Variants in DGKD observed in about 807,000 individuals in gnomAD.
DGKD encodes the protein diacylglycerol kinase delta, also known as DAG kinase delta.
In DGKD, 68 loss-of-function variants were observed where a neutral mutation model predicts 154.4. The observed-to-expected ratio is 0.44, with a 90% confidence interval of 0.36 to 0.54. The LOEUF (loss-of-function observed/expected upper bound fraction) is 0.54, where lower values mean the gene tolerates loss of function less well. Ranked by LOEUF, DGKD falls within the 20% of genes least tolerant of loss-of-function variation. The pLI is 0.00. For synonymous variants in DGKD, 693 were observed against 638.0 expected, an observed-to-expected ratio of 1.09 and a Z score of -1.30; for missense variants, 1,343 against 1,593.6, an observed-to-expected ratio of 0.84 and a Z score of 2.68.
At chr2:233,372,975 C>G (rs1702395401) in intron 1 of DGKD, among the ~76,000 whole-genome samples, 1 of 152,168 alleles carries the variant, frequency 6.6e-6, no homozygotes, top group Non-Finnish European at 1.5e-5. Flanking sequence ...AGGACAAACC[C>G]CACCAGAACA....
chr2:233,385,107 C>T (rs897517840), intron 1 of DGKD, among the ~76,000 whole-genome samples: 1 of 152,192 alleles, frequency 6.6e-6, no homozygotes, highest in Admixed American at 6.5e-5. Context: ...CTGCTAGTGC[C>T]TTTCAGACAG....
chr2:233,383,688 G>T (rs1365129739), intron 1 of DGKD, among the ~76,000 whole-genome samples: 1 of 152,146 alleles, frequency 6.6e-6, no homozygotes, highest in Non-Finnish European at 1.5e-5. Context: ...CAGCCCCTTT[G>T]CTGAAGTCCC....
In DGKD at chr2:233,434,817, G is replaced by A. The variant is rs201646438; in HGVS notation, c.502G>A (p.Ala168Thr). 1.4e-5 allele frequency: 23 copies of A among 1,614,088 alleles called. No homozygotes were observed. The highest frequency in any genetic ancestry group is 2.2e-5 in the East Asian group (1 of 44,902). ...DHFSGMHNWYACSHARPTYCN... is the reference protein window; with the variant it reads ...DHFSGMHNWYTCSHARPTYCN... ...CTTCTCAGGGATGCACAATTGGTAC[G>A]CCTGTTCCCACGCGAGGCCGACCTA... is the stretch of plus-strand genomic sequence containing the variant. The change falls in exon 5 of 30, where the codon GCC (alanine) becomes ACC (threonine). Residue 168 changes from alanine (A) to threonine (T), a missense_variant. Ala to Thr is a moderately conservative substitution (Grantham distance 58). Around this residue, in one of 6 missense-constraint regions of DGKD, gnomAD observed 332 missense variants for 400.1 expected, o/e 0.83. Coordinates refer to ENST00000264057, the MANE Select transcript of DGKD (RefSeq NM_152879.3).
chr2:233,437,002 C>T (rs1166543726), intron 7 of DGKD, among the ~76,000 whole-genome samples: 2 of 152,060 alleles, frequency 1.3e-5, no homozygotes, highest in Non-Finnish European at 2.9e-5. Context: ...GCACATCTGG[C>T]TGCCAGGAGG....
intron 9 of DGKD, among the ~76,000 whole-genome samples, chr2:233,439,626 A>G (rs189546243): frequency 1.4e-4 from 21 of 152,258 alleles, no homozygotes; most frequent in Admixed American, 5.2e-4. Flanking sequence ...CACTGGTGCA[A>G]TCCTGGCTCA....
At chr2:233,362,276 G>C (rs1357876121) in intron 1 of DGKD, among the ~76,000 whole-genome samples, 1 of 152,310 alleles carries the variant, frequency 6.6e-6, no homozygotes, top group East Asian at 1.9e-4. Flanking sequence ...GTGGGAGACA[G>C]ATATAGTAAG....
intron 3 of DGKD, among the ~76,000 whole-genome samples, chr2:233,430,764 C>T (rs889267036): frequency 5.3e-5 from 8 of 152,138 alleles, no homozygotes; most frequent in African/African-American, 1.9e-4. Flanking sequence ...AGTTTATACC[C>T]TGTTTACCTC....
In DGKD at chr2:233,442,062, G is replaced by A. The variant is rs910994159; in HGVS notation, c.1194+67G>A. The A allele has an allele frequency of 2.3e-6, 3 of 1,332,694 alleles. No individual in the cohort carries two copies. In the African/African-American group the frequency reaches 4.3e-5, roughly 19 times the overall value. The allele number at this position is 1,332,694 out of a possible 1,614,324, so 82.6% of individuals were successfully genotyped here. The stretch of plus-strand genomic sequence containing the variant: ...GCGGAGGTTAGAGGGAAATCATGCA[G>A]TCTCAGCTCCTGTTCATCTCGGAGC... On this transcript the variant is annotated intron_variant, in intron 10 of 29. Coordinates refer to ENST00000264057, the MANE Select transcript of DGKD (RefSeq NM_152879.3).
In DGKD at chr2:233,460,648, T is replaced by C. The variant is rs374752611; in HGVS notation, c.2981+303T>C. Among the ~76,000 whole-genome samples the C allele has an allele frequency of 3.9e-5, 6 of 152,250 alleles. No homozygotes were observed. The East Asian group carries it at 7.7e-4, about 20-fold the overall frequency. ...GCTCACGCCTGTAATCCCAGCACTT[T>C]GGGAGGCCAAGGTGGGCAGATCACA... On this transcript the variant is annotated intron_variant, in intron 24 of 29. Transcript: ENST00000264057.
At chr2:233,396,070 G>A (rs1704006070) in intron 3 of DGKD, among the ~76,000 whole-genome samples, 1 of 152,200 alleles carries the variant, frequency 6.6e-6, no homozygotes, top group Admixed American at 6.5e-5. Flanking sequence ...AATCAAATAC[G>A]ATATTTTATT....
chr2:233,387,261 A>C (rs1425954544), intron 1 of DGKD, among the ~76,000 whole-genome samples: 4 of 152,330 alleles, frequency 2.6e-5, no homozygotes, highest in African/African-American at 9.6e-5. Context: ...TTAGGTAGTT[A>C]AGCAAAAGCT....
In DGKD at chr2:233,452,204, A is replaced by ATTCCACTTAAGGAGTGGAGC. The variant is rs1346325975; in HGVS notation, c.2264+146_2264+165dup. 6 of 770,432 alleles carry ATTCCACTTAAGGAGTGGAGC rather than the reference A, an allele frequency of 7.8e-6. No individual in the cohort carries two copies. The African/African-American group carries it at 1.0e-4, about 13-fold the overall frequency. The allele number at this position is 770,432 out of a possible 1,614,324, so 47.7% of individuals were successfully genotyped here. ...TAAGGAAGGCTGAGAAGTCGTGGAG[A>ATTCCACTTAAGGAGTGGAGC]TTCCACTTAAGGAGTGGAGCTGGAA... On this transcript the variant is annotated intron_variant, in intron 18 of 29. Transcript: ENST00000264057. This position sits in a 1 kb window ranked among gnomAD's most constrained non-coding sequence, Gnocchi z 4.0.
intron 3 of DGKD, chr2:233,429,026 T>C (rs1559535255): frequency 1.4e-6 from 1 of 719,520 alleles, no homozygotes; most frequent in Non-Finnish European, 1.7e-6. Context: ...CTCACTGTCT[T>C]TAAACCTAAT....
At chr2:233,394,691 CTTTTTTTTTTTTTTTTTTTT>C (rs1162430401) in intron 3 of DGKD, among the ~76,000 whole-genome samples, 2 of 26,392 alleles carry the variant, frequency 7.6e-5, no homozygotes, top group Non-Finnish European at 1.3e-4. Flanking sequence ...ATTTAATTCC[CTTTTTTTTTTTTTTTTTTTT>C]TTTTTTTTTT....
chr2:233,449,798 C>T lies in DGKD; in HGVS notation c.1889-184C>T, dbSNP rs13393578. ...CTCCCAGCCTGTTAGCAGGGACGCC[C>T]TGCCCCAGTGCCAGGACCAGGGGGA... On this transcript the variant is annotated intron_variant, in intron 15 of 29. Transcript: ENST00000264057. The surrounding 1 kb of genome is among the most constrained non-coding windows in gnomAD (Gnocchi z 5.3). Among the ~76,000 whole-genome samples, 13,430 of 152,174 alleles carry T rather than the reference C, an allele frequency of 0.088. 668 individuals carry two copies. The highest frequency in any genetic ancestry group is 0.14 in the African/African-American group (5,798 of 41,504).
At chr2:233,435,493 G>C (rs945746310) in intron 5 of DGKD, among the ~76,000 whole-genome samples, 13 of 152,268 alleles carry the variant, frequency 8.5e-5, no homozygotes, top group Admixed American at 5.9e-4. Context: ...ATTTGTGCCC[G>C]TAAAAAAACA....
intron 3 of DGKD, among the ~76,000 whole-genome samples, chr2:233,390,695 G>C (rs536344501): frequency 5.3e-5 from 8 of 152,288 alleles, no homozygotes; most frequent in African/African-American, 1.9e-4. Context: ...GGACAATAGG[G>C]ACCAAATGAA....
chr2:233,412,933 A>G (rs560689360), intron 3 of DGKD, among the ~76,000 whole-genome samples: 1 of 152,126 alleles, frequency 6.6e-6, no homozygotes, highest in Admixed American at 6.5e-5. Flanking sequence ...CTTGGGTTAA[A>G]CCCTATTTGC....
At chr2:233,430,753 A>G (rs1436691908) in intron 3 of DGKD, among the ~76,000 whole-genome samples, 3 of 152,160 alleles carry the variant, frequency 2.0e-5, no homozygotes, top group Non-Finnish European at 2.9e-5. Context: ...TTTCTCTAAA[A>G]AGTTTATACC....
Sources: gnomAD v4.1 joint callset for allele counts (sites outside exome capture counted in the v4.1 genomes callset) on GRCh38, gnomAD v4.1.1 for gene constraint, gnomAD v4.1.1 regional missense constraint, Gnocchi (gnomAD v3.1) non-coding constraint, MANE v1.5 for transcripts, NCBI Gene and HGNC (gene_info 2026-07-23, HGNC 2026-07-21) for gene names.